The following TMPRSS9 variants were observed in gnomAD, a reference collection of about 807,000 sequenced individuals.
TMPRSS9 encodes the protein transmembrane protease serine 9.
TMPRSS9 carries 113 observed loss-of-function variants against 111.4 expected under a neutral mutation model. That is an observed-to-expected ratio of 1.01 (90% CI 0.87 to 1.19). TMPRSS9 has a LOEUF of 1.19. TMPRSS9 is among the 50% of genes most tolerant of loss of function. The pLI, the probability that TMPRSS9 is intolerant of heterozygous loss-of-function variation, is 0.00. For synonymous variants in TMPRSS9, 805 were observed against 659.1 expected (o/e 1.22, Z -3.39); for missense variants, 1,803 against 1,513.1 (o/e 1.19, Z -3.18).
At chr19:2,379,554 C>A (rs1255670315) in intron 1 of TMPRSS9, among the ~76,000 whole-genome samples, 1 of 152,012 alleles carries the variant, frequency 6.6e-6, no homozygotes, top group Non-Finnish European at 1.5e-5. Flanking sequence ...TGCCTCACCT[C>A]TCACAGTTCT....
exon 17 of TMPRSS9, chr19:2,425,396 T>C: frequency 6.4e-7 from 1 of 1,560,978 alleles, no homozygotes; most frequent in Non-Finnish European, 8.6e-7. Flanking sequence ...GCCGTGCGCC[T>C]CCTCAGCGAG....
intron 1 of TMPRSS9, among the ~76,000 whole-genome samples, chr19:2,365,662 G>A (rs1017846909): frequency 6.6e-6 from 1 of 152,110 alleles, no homozygotes; most frequent in Non-Finnish European, 1.5e-5. Context: ...GGGCAAGACA[G>A]CTAAAGAGCC....
At chr19:2,384,491 C>T (rs1335065430) in intron 1 of TMPRSS9, among the ~76,000 whole-genome samples, 4 of 151,560 alleles carry the variant, frequency 2.6e-5, no homozygotes, top group Non-Finnish European at 4.4e-5. Context: ...GCCAACATGG[C>T]GAAACCCCAT....
At chr19:2,415,797 G>A (rs1363824266) in exon 11 of TMPRSS9, 1 of 1,605,624 alleles carries the variant, frequency 6.2e-7, no homozygotes, top group South Asian at 1.1e-5. Context: ...GAGCAACTGT[G>A]GTGGGGGACC....
rs1382422841 is a variant in TMPRSS9 at position 2,408,834 on chromosome 19, AC to A, written c.1117+205del. On this transcript the variant is annotated intron_variant, in intron 8 of 17. Coordinates refer to ENST00000648592, the Ensembl canonical transcript of TMPRSS9. ...TACTAAAAAATACACACACACACAC[AC>A]AAAATTAGCCAGGCATGGTGGTGCG... is the stretch of plus-strand genomic sequence containing the variant. 2.3e-3 allele frequency among the ~76,000 whole-genome samples: 345 copies of A among 151,256 alleles called. 1 individual carries two copies. Among genetic ancestry groups the A allele is most frequent in the African/African-American group, 8.1e-3 (333 of 41,184 alleles).
At chr19:2,379,900 T>C (rs1286720126) in intron 1 of TMPRSS9, among the ~76,000 whole-genome samples, 1 of 151,736 alleles carries the variant, frequency 6.6e-6, no homozygotes, top group Non-Finnish European at 1.5e-5. Context: ...AGGTGCATGC[T>C]ACCATGCCCA....
At chr19:2,393,276 G>A (rs1416521306) in intron 1 of TMPRSS9, among the ~76,000 whole-genome samples, 2 of 152,104 alleles carry the variant, frequency 1.3e-5, no homozygotes, top group Non-Finnish European at 2.9e-5. Context: ...CACTGTGAAG[G>A]TCTGCAGTTT....
At chr19:2,425,866 C>T (rs1599324026) in intron 17 of TMPRSS9, 61 bp from the exon 19 acceptor site, 14 of 1,522,980 alleles carry the variant, frequency 9.2e-6, no homozygotes, top group Non-Finnish European at 1.1e-5. Context: ...GGGCCAATGA[C>T]CCAAGGGCTG....
At chr19:2,389,234 T>A (rs7507506), upstream of TMPRSS9, among the ~76,000 whole-genome samples, 1 of 149,042 alleles carries the variant, frequency 6.7e-6, no homozygotes, top group South Asian at 2.1e-4. Flanking sequence ...CCACCACGCC[T>A]GACTAATTTT....
chr19:2,392,418 G>T (rs1970617107), intron 1 of TMPRSS9, among the ~76,000 whole-genome samples: 1 of 151,166 alleles, frequency 6.6e-6, no homozygotes, highest in African/African-American at 2.4e-5. Flanking sequence ...AAGAAAAAAG[G>T]ACATGATGCC....
Position 2,369,631 on chromosome 19 carries a change from A to T in TMPRSS9, c.-26+9271A>T, listed in dbSNP as rs1970274027. 2.4e-5 allele frequency among the ~76,000 whole-genome samples: 3 copies of T among 124,094 alleles called. No homozygotes were observed. The Admixed American group carries it at 2.8e-4, about 11-fold the overall frequency. The allele number at this position is 124,094 out of a possible 152,430, so 81.4% of individuals were successfully genotyped here. On this transcript the variant is annotated intron_variant, in intron 1 of 17. Transcript: ENST00000649857. The stretch of plus-strand genomic sequence containing the variant: ...TTTTTTTTTTTTTTTTAGAGATGGG[A>T]TCTCATTATGTTGCCTACACTGATC...
intron 1 of TMPRSS9, among the ~76,000 whole-genome samples, chr19:2,383,033 C>T (rs553985527): frequency 6.6e-5 from 10 of 152,228 alleles, no homozygotes; most frequent in Admixed American, 6.6e-4. Context: ...TGGAGGGTCA[C>T]CTGCTTTATT....
upstream of TMPRSS9, among the ~76,000 whole-genome samples, chr19:2,387,327 T>G (rs1321564665): frequency 6.6e-6 from 1 of 152,080 alleles, no homozygotes; most frequent in Non-Finnish European, 1.5e-5. Flanking sequence ...AAACCCCCTC[T>G]CTACTAAAAA....
intron 10 of TMPRSS9, among the ~76,000 whole-genome samples, chr19:2,415,046 G>A (rs1971195214): frequency 6.7e-6 from 1 of 148,618 alleles, no homozygotes; most frequent in Admixed American, 6.8e-5. Context: ...CCCGGTTCAA[G>A]TGATTCTCCT....
chr19:2,367,181 G>T (rs1206778579), intron 1 of TMPRSS9, among the ~76,000 whole-genome samples: 1 of 151,888 alleles, frequency 6.6e-6, no homozygotes, highest in Non-Finnish European at 1.5e-5. Context: ...ACTCGGAGAG[G>T]GAAATTAGGC....
chr19:2,374,460 G>A (rs141694868), intron 1 of TMPRSS9, among the ~76,000 whole-genome samples: 2 of 151,386 alleles, frequency 1.3e-5, no homozygotes, highest in African/African-American at 4.9e-5. Context: ...TGTAGTCCCA[G>A]CTACTTGGGA....
intron 1 of TMPRSS9, among the ~76,000 whole-genome samples, chr19:2,368,646 CG>C (rs1970265192): frequency 6.6e-6 from 1 of 152,022 alleles, no homozygotes; most frequent in Non-Finnish European, 1.5e-5. Context: ...TGAGCCTGGG[CG>C]ATGCCCTGCT....
In TMPRSS9 at chr19:2,363,659, C is replaced by G. The variant is rs535777040; in HGVS notation, c.-26+3299C>G. Among the ~76,000 whole-genome samples, 126 of 151,598 alleles carry G rather than the reference C, an allele frequency of 8.3e-4. 1 individual carries two copies. The highest frequency in any genetic ancestry group is 3.0e-3 in the African/African-American group (123 of 41,254). ...CGACACTGGGGCAGGGTTTAGAGCT[C>G]CCGGCCCTGCGCCCCTCGGTCCCCC... is the stretch of plus-strand genomic sequence containing the variant. On this transcript the variant is annotated intron_variant, in intron 1 of 17. Transcript: ENST00000649857.
At chr19:2,379,169 G>A (rs1330563585) in intron 1 of TMPRSS9, among the ~76,000 whole-genome samples, 1 of 149,096 alleles carries the variant, frequency 6.7e-6, no homozygotes, top group Non-Finnish European at 1.5e-5. Flanking sequence ...GACAAAGCCT[G>A]AGCTTCTTTC....
Sources: allele counts gnomAD v4.1 joint callset (sites outside exome capture counted in the v4.1 genomes callset), GRCh38; gene constraint gnomAD v4.1.1; transcripts MANE v1.5; gene names NCBI Gene and HGNC (gene_info 2026-07-23, HGNC 2026-07-21).